Variants in SBF2 observed in about 807,000 individuals in gnomAD.
SBF2 encodes myotubularin-related protein 13.
Under a neutral mutation model 225.2 loss-of-function variants are expected in SBF2, and 112 were observed. The observed-to-expected ratio is 0.50, with a 90% CI of 0.43 to 0.58. The LOEUF is 0.58. Among genes scored for constraint, SBF2 ranks in the 20% least tolerant of loss-of-function variants. The probability of loss-of-function intolerance (pLI) is 0.00; values close to 1 mark genes in which losing one functional copy is unlikely to be tolerated. For synonymous variants in SBF2, 763 were observed against 773.3 expected (o/e 0.99, Z 0.22); for missense variants, 1,996 against 2,206.2 (o/e 0.90, Z 1.91).
chr11:9,873,590 T>C (rs897228619), intron 17 of SBF2, among the ~76,000 whole-genome samples: 1 of 152,136 alleles, frequency 6.6e-6, no homozygotes. Context: ...GAAATAGAAG[T>C]ATCTGCCTAG....
intron 2 of SBF2, among the ~76,000 whole-genome samples, chr11:10,043,563 G>T (rs1949738610): frequency 6.9e-6 from 1 of 144,740 alleles, no homozygotes; most frequent in Non-Finnish European, 1.5e-5. Context: ...AGAAATACTT[G>T]CAGGTTAAAC....
At chr11:9,854,432 T>A (rs138779605) in intron 19 of SBF2, among the ~76,000 whole-genome samples, 59 of 152,338 alleles carry the variant, frequency 3.9e-4, no homozygotes, top group Non-Finnish European at 7.5e-4. Context: ...GACTCATTTG[T>A]CTGTTCCTAT....
At chr11:10,037,777 G>C (rs918134012) in intron 3 of SBF2, among the ~76,000 whole-genome samples, 34 of 151,932 alleles carry the variant, frequency 2.2e-4, no homozygotes, top group Admixed American at 2.6e-4. Flanking sequence ...TGGTGGGGGT[G>C]GGGGAGTACC....
intron 13 of SBF2, among the ~76,000 whole-genome samples, chr11:9,978,333 C>T (rs1012410162): frequency 6.6e-6 from 1 of 152,196 alleles, no homozygotes; most frequent in Non-Finnish European, 1.5e-5. Flanking sequence ...TGACAATCCA[C>T]TGGGACAGTC....
intron 17 of SBF2, among the ~76,000 whole-genome samples, chr11:9,874,529 T>C (rs1250576495): frequency 3.3e-5 from 5 of 152,320 alleles, no homozygotes; most frequent in Admixed American, 3.3e-4. Context: ...CTCTTGTCAA[T>C]GACCAAATAA....
At chr11:10,132,475 G>A (rs1423844521) in intron 2 of SBF2, among the ~76,000 whole-genome samples, 1 of 148,890 alleles carries the variant, frequency 6.7e-6, no homozygotes, top group Non-Finnish European at 1.5e-5. Flanking sequence ...TGGTGGGTTT[G>A]TGGTCTCGCT....
intron 2 of SBF2, among the ~76,000 whole-genome samples, chr11:10,081,785 T>C (rs544872947): frequency 2.1e-5 from 3 of 140,940 alleles, no homozygotes; most frequent in African/African-American, 7.8e-5. Flanking sequence ...GAAAAAGAAA[T>C]ATTGCACATT....
chr11:10,275,280 T>C (rs1271237974), intron 1 of SBF2, among the ~76,000 whole-genome samples: 1 of 152,162 alleles, frequency 6.6e-6, no homozygotes, highest in African/African-American at 2.4e-5. Flanking sequence ...CCAGAACTTT[T>C]CCCAAGGTGT....
chr11:10,156,154 C>A (rs1955466203), intron 2 of SBF2, among the ~76,000 whole-genome samples: 1 of 152,324 alleles, frequency 6.6e-6, no homozygotes, highest in South Asian at 2.1e-4. Context: ...GCTCCCAGTG[C>A]CCACTCTGAT....
chr11:10,050,503 G>T (rs967665223), intron 2 of SBF2, among the ~76,000 whole-genome samples: 2 of 151,992 alleles, frequency 1.3e-5, no homozygotes, highest in African/African-American at 4.8e-5. Flanking sequence ...CATAGTAAGA[G>T]ATGAACAATA....
chr11:9,903,586 T>C (rs988203898), intron 16 of SBF2, among the ~76,000 whole-genome samples: 5 of 152,194 alleles, frequency 3.3e-5, no homozygotes, highest in Admixed American at 1.3e-4. Context: ...TGGAAGTTTA[T>C]TTTAAAAAGC....
intron 2 of SBF2, among the ~76,000 whole-genome samples, chr11:10,193,004 A>C (rs1957234578): frequency 6.6e-6 from 1 of 152,168 alleles, no homozygotes; most frequent in South Asian, 2.1e-4. Flanking sequence ...GGGTAGCATA[A>C]ATTATGTTCA....
intron 13 of SBF2, among the ~76,000 whole-genome samples, chr11:9,976,035 C>T (rs1288376375): frequency 2.7e-5 from 4 of 149,084 alleles, no homozygotes; most frequent in Non-Finnish European, 3.0e-5. Flanking sequence ...CCATAAGGCA[C>T]AATTATAAAT....
At position 9,858,282 on chromosome 11, in the gene SBF2, G is replaced by A. The variant is rs766553474; in HGVS notation, c.2044C>T (p.Arg682Cys). The A allele has an allele frequency of 7.4e-6, 12 of 1,614,134 alleles. No homozygotes were observed. The highest frequency in any genetic ancestry group is 1.7e-5 in the Admixed American group (1 of 60,020). Residue 682 changes from arginine (R) to cysteine (C), a missense_variant, in exon 18 of 40, where the codon CGC becomes TGC. Physicochemically the swap from Arg to Cys is radical, Grantham distance 180 (BLOSUM62 -3). Coordinates refer to ENST00000256190, the MANE Select transcript of SBF2 (RefSeq NM_030962.4). ...TCCTTGGCTGAGAGATAAAGGGAGCGAACCTGTTCCTGCACTGCATTGTAA... is the reference window on the plus strand; with the variant it reads ...TCCTTGGCTGAGAGATAAAGGGAGCAAACCTGTTCCTGCACTGCATTGTAA... Reference protein sequence around the residue: ...TFYNAVQEQVRSLYLSAKEDN... With the variant: ...TFYNAVQEQVCSLYLSAKEDN...
chr11:9,940,395 ACT>A (rs1384932932), intron 16 of SBF2, among the ~76,000 whole-genome samples: 1 of 151,706 alleles, frequency 6.6e-6, no homozygotes, highest in Non-Finnish European at 1.5e-5. Context: ...ACACAGCGAG[ACT>A]CTGCCTCAAA....
intron 16 of SBF2, among the ~76,000 whole-genome samples, chr11:9,926,155 C>T (rs1864026947): frequency 6.6e-6 from 1 of 152,098 alleles, no homozygotes; most frequent in Admixed American, 6.5e-5. Context: ...TTTTAGTCTC[C>T]TTGTTTTTTT....
At chr11:10,300,075 T>TA (rs1964580774) in intron 1 of SBF2, among the ~76,000 whole-genome samples, 1 of 152,246 alleles carries the variant, frequency 6.6e-6, no homozygotes, top group African/African-American at 2.4e-5. Context: ...TTCCCATCTC[T>TA]GAGTGTTTGC....
chr11:10,156,588 T>C (rs2083717), intron 2 of SBF2, among the ~76,000 whole-genome samples: 75,384 of 152,036 alleles, frequency 0.5, 19,029 homozygotes, highest in Non-Finnish European at 0.54. Context: ...AGCCAGATGG[T>C]GCTTTTTCCA....
chr11:9,986,634 A>G (rs1224863308), intron 13 of SBF2, among the ~76,000 whole-genome samples: 2 of 152,198 alleles, frequency 1.3e-5, no homozygotes, highest in African/African-American at 4.8e-5. Flanking sequence ...ACAAAGGATC[A>G]TTCAAGGCAA....
Sources: gnomAD v4.1 joint callset for allele counts (sites outside exome capture counted in the v4.1 genomes callset) on GRCh38, gnomAD v4.1.1 for gene constraint, MANE v1.5 for transcripts, NCBI Gene and HGNC (gene_info 2026-07-23, HGNC 2026-07-21) for gene names.